The following CFAP74 variants were observed in gnomAD, a reference collection of about 807,000 sequenced individuals.
CFAP74 encodes cilia and flagella associated protein 74.
Under a neutral mutation model 188.9 loss-of-function variants are expected in CFAP74, and 124 were observed. The ratio of observed to expected loss-of-function variants is 0.66; its 90% confidence interval spans 0.57 to 0.76. The LOEUF is 0.76. Among genes scored for constraint, CFAP74 ranks in the 30% least tolerant of loss-of-function variants. CFAP74 has a pLI of 0.00. For synonymous variants in CFAP74, 956 were observed against 916.7 expected, an observed-to-expected ratio of 1.04 and a Z score of -0.77; for missense variants, 2,198 against 2,165.2, an observed-to-expected ratio of 1.02 and a Z score of -0.30.
At chr1:1,954,870 T>C (rs1654436246) in intron 18 of CFAP74, 1 of 1,151,810 alleles carries the variant, frequency 8.7e-7, no homozygotes, top group Non-Finnish European at 1.1e-6. Context: ...AGGTGCCCTG[T>C]GGGAACTCAC....
intron 1 of CFAP74, among the ~76,000 whole-genome samples, chr1:2,001,334 GTTT>G (rs1187028525): frequency 7.0e-6 from 1 of 143,598 alleles, no homozygotes; most frequent in Non-Finnish European, 1.5e-5. Context: ...TTTTCATTTT[GTTT>G]TTTTTTTTTT....
rs1204236200 is a variant in CFAP74 at position 1,940,302 on chromosome 1, G to T, written c.2703+14C>A. On this transcript the variant is annotated intron_variant, in intron 23 of 38. Coordinates refer to ENST00000682832, the MANE Select transcript of CFAP74 (RefSeq NM_001304360.2). ...GGAGCGCCCAGCATCCCTGGGAAGT[G>T]CCCCAACACAGACCTGGTCGGCAAC... is the stretch of plus-strand genomic sequence containing the variant. The T allele has an allele frequency of 2.6e-6, 4 of 1,532,526 alleles. No individual in the cohort carries two copies. The African/African-American group carries it at 5.5e-5, about 21-fold the overall frequency. The allele number at this position is 1,532,526 out of a possible 1,614,324, so 94.9% of individuals were successfully genotyped here.
chr1:1,984,595 C>T (rs13303091), intron 6 of CFAP74: 45,799 of 151,830 alleles, frequency 0.3, 7,090 homozygotes, highest in Non-Finnish European at 0.34. Context: ...TGTATCACAG[C>T]GAGCGTGGGT....
chr1:1,923,938 A>G lies in CFAP74; in HGVS notation c.4235-9T>C. On this transcript the variant is annotated splice_polypyrimidine_tract_variant and intron_variant, in intron 34 of 38. Transcript: ENST00000682832. The surrounding 1 kb of genome is among the most constrained non-coding windows in gnomAD (Gnocchi z 6.3). ...GTTGAGATTCTGCGTCCCTGCGGGT[A>G]GGGTGGGGTGCAGTTTGGCCTTCTC... 1 of 1,603,850 alleles carries G rather than the reference A, an allele frequency of 6.2e-7. No homozygotes were observed. Among genetic ancestry groups the G allele is most frequent in the South Asian group, 1.1e-5 (1 of 89,788 alleles).
chr1:1,923,412 C>T lies in CFAP74; in HGVS notation c.4477G>A (p.Glu1493Lys). 6.3e-7 allele frequency: 1 copy of T among 1,598,588 alleles called. No individual in the cohort carries two copies. The highest frequency in any genetic ancestry group is 1.3e-5 in the African/African-American group (1 of 74,908). ...EGGDPLDVPV[E>K]SLTAIPVFDP... ...AATACAGGGATCGCTGTCAGAGACT[C>T]CACGGGCACGTCCAGGGGGTCGCCG... Residue 1493 changes from glutamate (E) to lysine (K), a missense_variant, in exon 36 of 39, where the codon GAG (glutamate) becomes AAG (lysine). Transcript: ENST00000682832. The surrounding 1 kb of genome is among the most constrained non-coding windows in gnomAD (Gnocchi z 6.3).
chr1:1,936,619 G>A (rs1437221411), intron 25 of CFAP74, among the ~76,000 whole-genome samples: 1 of 151,528 alleles, frequency 6.6e-6, no homozygotes, highest in East Asian at 2.0e-4. Context: ...GAGTGAGGAG[G>A]AGAGCCGCGC....
At chr1:1,971,806 G>A (rs753912021) in intron 9 of CFAP74, among the ~76,000 whole-genome samples, 174 bp downstream of exon 9, 18 of 152,256 alleles carry the variant, frequency 1.2e-4, no homozygotes, top group Admixed American at 8.5e-4. Context: ...TGACCCACAC[G>A]GAACCCGTGG....
intron 26 of CFAP74, among the ~76,000 whole-genome samples, chr1:1,929,563 C>T (rs1211292185): frequency 6.6e-6 from 1 of 151,572 alleles, no homozygotes; most frequent in Non-Finnish European, 1.5e-5. Context: ...CCCATGTGAG[C>T]CAACTGTCCC....
At chr1:1,955,293 G>C in intron 18 of CFAP74, 1 of 1,296,720 alleles carries the variant, frequency 7.7e-7, no homozygotes, top group Non-Finnish European at 1.0e-6. Context: ...GGCAGGGCCC[G>C]CCCGTTTCTC....
rs1657277434 is a variant in CFAP74, at chr1:1,986,957, T to C, written c.375A>G (p.Thr125=). 1.2e-6 allele frequency: 2 copies of C among 1,601,932 alleles called. No homozygotes were observed. Among genetic ancestry groups the C allele is most frequent in the Admixed American group, 3.3e-5 (2 of 60,004 alleles). The change falls in exon 5 of 39, where the codon ACA becomes ACG. Residue 125 remains threonine, a synonymous_variant. Transcript: ENST00000682832. ...CCTACATGTTGCCCGCCTCTTCCTC[T>C]GTGGCGATCTCGGCTGCCACAGCCT... ...QQEAVAAEIA[T]EEEAGNMAAV...
chr1:1,977,793 T>C (rs970253425), intron 6 of CFAP74, among the ~76,000 whole-genome samples: 2 of 152,148 alleles, frequency 1.3e-5, no homozygotes, highest in Admixed American at 1.3e-4. Flanking sequence ...TGCCAGAAAG[T>C]CATGCAGAAG....
rs1028320853 is a variant in CFAP74, at chr1:1,923,274, C to T, written c.4522+93G>A. On this transcript the variant is annotated intron_variant, in intron 36 of 38. Transcript: ENST00000682832. This position sits in a 1 kb window ranked among gnomAD's most constrained non-coding sequence, Gnocchi z 6.3. ...GCTCTGGGGTAGAAGGCTGGGAATC[C>T]CTGCCCTGCTCCGCTGGGTCTCGGG... 3.6e-5 allele frequency: 54 copies of T among 1,498,188 alleles called. No individual in the cohort carries two copies. Among genetic ancestry groups the T allele is most frequent in the Non-Finnish European group, 4.4e-5 (49 of 1,115,624 alleles). 92.8% of individuals were successfully genotyped at this position (1,498,188 alleles called of 1,614,324 possible). A position where few individuals can be genotyped will look rare whatever the true frequency, so the allele number is the denominator to read the frequency against.
intron 16 of CFAP74, among the ~76,000 whole-genome samples, chr1:1,957,236 G>A (rs887584586): frequency 2.4e-4 from 37 of 152,226 alleles, no homozygotes; most frequent in African/African-American, 8.9e-4. Context: ...GGCCACAGAA[G>A]CTCTGGTGCT....
rs1017040488 is a variant in CFAP74 at position 1,929,978 on chromosome 1, G to T, written c.3288+82C>A. On this transcript the variant is annotated intron_variant, in intron 26 of 38. Coordinates refer to ENST00000682832, the MANE Select transcript of CFAP74 (RefSeq NM_001304360.2). ...GGGTTGAAACCCTGTGGTTAAGGGT[G>T]GGCAGAGCCAGACACCCCAGGGGTA... The T allele has an allele frequency of 6.5e-6, 9 of 1,389,410 alleles. No homozygotes were observed. In the African/African-American group the frequency reaches 1.1e-4, roughly 18 times the overall value. The allele number at this position is 1,389,410 out of a possible 1,614,324, so 86.1% of individuals were successfully genotyped here. A position where few individuals can be genotyped will look rare whatever the true frequency, so the allele number is the denominator to read the frequency against.
At chr1:1,980,716 T>A (rs1656786308) in intron 6 of CFAP74, among the ~76,000 whole-genome samples, 2 of 152,180 alleles carry the variant, frequency 1.3e-5, no homozygotes, top group South Asian at 4.1e-4. Context: ...ACATGCAGCA[T>A]CCCGTCTCCA....
At chr1:1,970,907 A>G (rs1231973618) in intron 9 of CFAP74, 91 bp from the exon 10 acceptor site, 2 of 1,506,410 alleles carry the variant, frequency 1.3e-6, no homozygotes, top group East Asian at 4.5e-5. Flanking sequence ...ACAGGTTCAT[A>G]CATGCACACG....
In CFAP74 at chr1:1,935,160, TACAC is replaced by T. The variant is rs1299562961; in HGVS notation, c.3011+3691_3011+3694del. The stretch of plus-strand genomic sequence containing the variant: ...GTGTACGTGGGTGTTAGGTTGTAGG[TACAC>T]ACGTGTGTACGTGGGTGTTAGGTTG... On this transcript the variant is annotated intron_variant, in intron 25 of 38. Coordinates refer to ENST00000682832, the MANE Select transcript of CFAP74 (RefSeq NM_001304360.2). 5.0e-5 allele frequency among the ~76,000 whole-genome samples: 4 copies of T among 80,660 alleles called. 1 individual carries two copies. The highest frequency in any genetic ancestry group is 1.9e-4 in the African/African-American group (4 of 21,532). The allele number at this position is 80,660 out of a possible 152,430, so 52.9% of individuals were successfully genotyped here.
rs754648836 is a variant in CFAP74, at chr1:1,964,941, G to A, written c.1522C>T (p.Arg508Cys). ...TTGAAGGGGCGTCCTTGGAACTCAC[G>A]CCCCCACACCACCTGCTTGTGGACC... Reference protein sequence around the residue: ...RVVHKQVVWGREFQGRPFNSK... With the variant: ...RVVHKQVVWGCEFQGRPFNSK... The change falls in exon 13 of 39, where the codon CGT (arginine) becomes TGT (cysteine). Residue 508 changes from arginine to cysteine, a missense_variant. Coordinates refer to ENST00000682832, the MANE Select transcript of CFAP74 (RefSeq NM_001304360.2). 18 of 1,613,810 alleles carry A rather than the reference G, an allele frequency of 1.1e-5. No homozygotes were observed. Among genetic ancestry groups the A allele is most frequent in the African/African-American group, 2.7e-5 (2 of 74,940 alleles).
chr1:1,979,059 A>G (rs1467501835), intron 6 of CFAP74, among the ~76,000 whole-genome samples: 10 of 123,240 alleles, frequency 8.1e-5, no homozygotes, highest in African/African-American at 1.2e-4. Context: ...ACGAGGCTGC[A>G]CAGAACATGC....
Sources: gnomAD v4.1 joint callset for allele counts (sites outside exome capture counted in the v4.1 genomes callset) on GRCh38, gnomAD v4.1.1 for gene constraint, Gnocchi (gnomAD v3.1) non-coding constraint, MANE v1.5 for transcripts, NCBI Gene and HGNC (gene_info 2026-07-23, HGNC 2026-07-21) for gene names.